The following GRIP1 variants were observed in gnomAD, a reference collection of about 807,000 sequenced individuals.
GRIP1 encodes the protein glutamate receptor interacting protein 1.
GRIP1 carries 45 observed loss-of-function variants against 129.9 expected under a neutral mutation model. The ratio of observed to expected loss-of-function variants is 0.35; its 90% CI spans 0.27 to 0.44. The LOEUF (loss-of-function observed/expected upper bound fraction) is 0.44, where lower values mean the gene tolerates loss of function less well. Among genes scored for constraint, GRIP1 ranks in the 20% least tolerant of loss-of-function variants. The probability of loss-of-function intolerance (pLI) is 1.00; values close to 1 mark genes in which losing one functional copy is unlikely to be tolerated. For missense variants in GRIP1, 1,196 were observed against 1,396.8 expected, an observed-to-expected ratio of 0.86 and a Z score of 2.29; for synonymous variants, 530 against 520.8, an observed-to-expected ratio of 1.02 and a Z score of -0.24.
At chr12:66,397,411 G>C (rs1289704942) in intron 16 of GRIP1, among the ~76,000 whole-genome samples, 1 of 151,932 alleles carries the variant, frequency 6.6e-6, no homozygotes, top group Non-Finnish European at 1.5e-5. Context: ...TACTCAGGAG[G>C]CTGAGGCAGG....
At chr12:66,646,671 G>A (rs964595026) in intron 1 of GRIP1, among the ~76,000 whole-genome samples, 2 of 152,138 alleles carry the variant, frequency 1.3e-5, no homozygotes, top group African/African-American at 2.4e-5. Flanking sequence ...GTTAAAAGAT[G>A]GCAGTCCTCC....
At chr12:66,939,053 T>C (rs1352497716) in intron 1 of GRIP1, among the ~76,000 whole-genome samples, 3 of 151,998 alleles carry the variant, frequency 2.0e-5, no homozygotes, top group Non-Finnish European at 4.4e-5. Flanking sequence ...CAGAGGCAAG[T>C]TGGTAGATCA....
At chr12:66,358,612 C>T (rs886362536) in intron 23 of GRIP1, among the ~76,000 whole-genome samples, 1 of 152,048 alleles carries the variant, frequency 6.6e-6, no homozygotes, top group Admixed American at 6.6e-5. Flanking sequence ...TCCTGCATGG[C>T]TAATTTTTGT....
At chr12:67,048,415 C>T (rs1055596293) in intron 1 of GRIP1, among the ~76,000 whole-genome samples, 2 of 152,082 alleles carry the variant, frequency 1.3e-5, no homozygotes, top group South Asian at 2.1e-4. Flanking sequence ...ATGCATATAC[C>T]TTTTTAAAAA....
chr12:66,349,502 C>T (rs1371602772), intron 24 of GRIP1, among the ~76,000 whole-genome samples: 1 of 152,172 alleles, frequency 6.6e-6, no homozygotes, highest in Non-Finnish European at 1.5e-5. Context: ...GGTGGCTCCA[C>T]CCACAGTGGG....
intron 1 of GRIP1, among the ~76,000 whole-genome samples, chr12:66,666,233 G>T (rs551653087): frequency 1.3e-5 from 2 of 152,066 alleles, no homozygotes; most frequent in East Asian, 3.9e-4. Flanking sequence ...TTTTTCACTG[G>T]AGAATCAAAT....
At chr12:66,480,489 A>C (rs140037329) in intron 7 of GRIP1, among the ~76,000 whole-genome samples, 2 of 152,240 alleles carry the variant, frequency 1.3e-5, no homozygotes, top group African/African-American at 4.8e-5. Context: ...ATACTACCTA[A>C]AGTTATTTAT....
chr12:66,719,912 A>C (rs769727762), intron 1 of GRIP1, among the ~76,000 whole-genome samples: 4 of 152,166 alleles, frequency 2.6e-5, no homozygotes, highest in Non-Finnish European at 4.4e-5. Flanking sequence ...TACAGATATA[A>C]AGTATTCTGC....
intron 1 of GRIP1, among the ~76,000 whole-genome samples, chr12:66,610,006 A>C (rs2064720264): frequency 6.6e-6 from 1 of 152,146 alleles, no homozygotes; most frequent in South Asian, 2.1e-4. Context: ...TTTTGCCTTA[A>C]GGTATTTTAA....
At chr12:66,450,168 G>T (rs939542072) in intron 11 of GRIP1, among the ~76,000 whole-genome samples, 2 of 151,678 alleles carry the variant, frequency 1.3e-5, no homozygotes, top group Non-Finnish European at 2.9e-5. Context: ...GCCGGGCGTG[G>T]TGGCAGGCGC....
chr12:66,667,162 T>C (rs960474864), intron 1 of GRIP1, among the ~76,000 whole-genome samples: 2 of 152,208 alleles, frequency 1.3e-5, no homozygotes. Flanking sequence ...GCTTTTTAGG[T>C]TGATGTTGTA....
At chr12:66,406,459 AATG>A in intron 15 of GRIP1, 31 bp from the exon 16 acceptor site, 4 of 1,608,608 alleles carry the variant, frequency 2.5e-6, no homozygotes, top group Non-Finnish European at 3.4e-6. Flanking sequence ...ACACATGACT[AATG>A]ATGAGCACTT....
At chr12:66,817,584 T>C (rs112423147) in intron 1 of GRIP1, among the ~76,000 whole-genome samples, 39,796 of 151,920 alleles carry the variant, frequency 0.26, 6,374 homozygotes, top group Non-Finnish European at 0.36. Context: ...TAATTTTGTA[T>C]TTTTAGTAGA....
chr12:66,776,687 G>A (rs182700274), intron 1 of GRIP1, among the ~76,000 whole-genome samples: 38 of 152,278 alleles, frequency 2.5e-4, no homozygotes, highest in South Asian at 4.2e-4. Context: ...GAGGAAGAGC[G>A]GGGTAGAATC....
At chr12:66,653,553 C>T (rs2032948194) in intron 1 of GRIP1, among the ~76,000 whole-genome samples, 1 of 152,178 alleles carries the variant, frequency 6.6e-6, no homozygotes, top group Non-Finnish European at 1.5e-5. Context: ...TTCTTACATG[C>T]TTAAATTTGG....
intron 23 of GRIP1, among the ~76,000 whole-genome samples, chr12:66,365,414 G>T (rs912149603): frequency 6.6e-6 from 1 of 152,200 alleles, no homozygotes; most frequent in Non-Finnish European, 1.5e-5. Flanking sequence ...TCCAGCCTGG[G>T]CAACAAAGCC....
intron 7 of GRIP1, among the ~76,000 whole-genome samples, chr12:66,498,515 A>AT (rs148678307): frequency 0.012 from 1,837 of 152,248 alleles, 39 homozygotes; most frequent in East Asian, 0.1. Context: ...ATTTCCTCTG[A>AT]TTTCTCAAAT....
intron 1 of GRIP1, among the ~76,000 whole-genome samples, chr12:66,907,805 A>T (rs2040960261): frequency 6.6e-6 from 1 of 152,146 alleles, no homozygotes; most frequent in African/African-American, 2.4e-5. Context: ...ACAGAAAGAG[A>T]TTCCTACATC....
At position 66,587,312 on chromosome 12, in the gene GRIP1, A is replaced by G. The variant is rs183352044; in HGVS notation, c.136+9535T>C. The stretch of plus-strand genomic sequence containing the variant: ...ATTTCAGGCTTACTCCAAAGTCACC[A>G]GCTCATGGAGGCCAACCTTGGCCTT... On this transcript the variant is annotated intron_variant, in intron 2 of 24. Transcript: ENST00000359742. Among the ~76,000 whole-genome samples, 511 of 152,368 alleles carry G rather than the reference A, an allele frequency of 3.4e-3. 1 individual carries two copies. The highest frequency in any genetic ancestry group is 0.012 in the African/African-American group (495 of 41,598).
Sources: allele counts gnomAD v4.1 joint callset (sites outside exome capture counted in the v4.1 genomes callset), GRCh38; gene constraint gnomAD v4.1.1; transcripts MANE v1.5; gene names NCBI Gene and HGNC (gene_info 2026-07-23, HGNC 2026-07-21).